Variants in KCNQ3 observed in about 807,000 individuals in gnomAD.
The protein encoded by KCNQ3 is potassium voltage-gated channel subfamily Q member 3.
In KCNQ3, 30 loss-of-function variants were observed where a neutral mutation model predicts 92.5. That is an observed-to-expected ratio of 0.32 (90% CI 0.24 to 0.44). The LOEUF is 0.44. Ranked by LOEUF, KCNQ3 falls within the 20% of genes least tolerant of loss-of-function variation. The pLI, the probability that KCNQ3 is intolerant of heterozygous loss-of-function variation, is 1.00. For synonymous variants in KCNQ3, 450 were observed against 468.8 expected, an observed-to-expected ratio of 0.96 and a Z score of 0.52; for missense variants, 913 against 1,140.3, an observed-to-expected ratio of 0.80 and a Z score of 2.87.
At chr8:132,479,260 TACA>T (rs1313566007) in intron 1 of KCNQ3, among the ~76,000 whole-genome samples, 3 of 152,164 alleles carry the variant, frequency 2.0e-5, no homozygotes, top group African/African-American at 7.2e-5. Context: ...GCCATGCATT[TACA>T]TCGGACTAGC....
chr8:132,273,096 G>A (rs1341285499), intron 1 of KCNQ3, among the ~76,000 whole-genome samples: 1 of 152,130 alleles, frequency 6.6e-6, no homozygotes, highest in Non-Finnish European at 1.5e-5. Context: ...AACTCCACTA[G>A]GTGGTGCCCC....
chr8:132,377,003 T>C (rs1293825336), intron 1 of KCNQ3, among the ~76,000 whole-genome samples: 4 of 152,054 alleles, frequency 2.6e-5, no homozygotes, highest in Admixed American at 6.5e-5. Flanking sequence ...GAAAAGGGAA[T>C]TGCGATGGTT....
intron 14 of KCNQ3, 75 bp from the exon 15 acceptor site, chr8:132,130,071 A>ATT: frequency 1.5e-6 from 2 of 1,340,602 alleles, no homozygotes; most frequent in Admixed American, 2.2e-5. Context: ...GGGAGGAAAT[A>ATT]TTCTTTTTTT....
At chr8:132,190,221 T>C (rs1321711903) in intron 1 of KCNQ3, among the ~76,000 whole-genome samples, 1 of 152,098 alleles carries the variant, frequency 6.6e-6, no homozygotes, top group Non-Finnish European at 1.5e-5. Flanking sequence ...TCAAGTTGTG[T>C]GTATGGTGGG....
intron 1 of KCNQ3, among the ~76,000 whole-genome samples, chr8:132,271,714 A>G (rs1284548599): frequency 6.6e-6 from 1 of 152,190 alleles, no homozygotes; most frequent in Non-Finnish European, 1.5e-5. Flanking sequence ...CACTTCCACC[A>G]TCTCTCCACC....
intron 14 of KCNQ3, among the ~76,000 whole-genome samples, chr8:132,131,386 T>C (rs1276413066): frequency 6.6e-6 from 1 of 152,186 alleles, no homozygotes; most frequent in Non-Finnish European, 1.5e-5. Context: ...TGCATGGTGC[T>C]GTGAGTGAGC....
chr8:132,332,805 T>A (rs538375255), intron 1 of KCNQ3, among the ~76,000 whole-genome samples: 1 of 152,366 alleles, frequency 6.6e-6, no homozygotes, highest in African/African-American at 2.4e-5. Flanking sequence ...GAATCCTTTC[T>A]GGAGCCTGCC....
intron 3 of KCNQ3, among the ~76,000 whole-genome samples, chr8:132,182,069 C>CA (rs11320609): frequency 0.053 from 7,607 of 143,606 alleles, 260 homozygotes; most frequent in Non-Finnish European, 0.067. Flanking sequence ...CCATAAAAAA[C>CA]AAAAAAAAAA....
At chr8:132,451,381 C>T (rs566421722) in intron 1 of KCNQ3, among the ~76,000 whole-genome samples, 1 of 152,216 alleles carries the variant, frequency 6.6e-6, no homozygotes, top group African/African-American at 2.4e-5. Context: ...CACAATCGGG[C>T]TCAAGAAGCA....
intron 9 of KCNQ3, 124 bp downstream of exon 9, chr8:132,163,344 T>C: frequency 1.2e-6 from 1 of 828,822 alleles, no homozygotes; most frequent in Non-Finnish European, 2.1e-6. Context: ...TCAGCAACAG[T>C]GTGACCCCAA....
intron 1 of KCNQ3, among the ~76,000 whole-genome samples, chr8:132,307,344 G>A (rs184198223): frequency 9.7e-4 from 147 of 152,172 alleles, no homozygotes; most frequent in South Asian, 6.2e-3. Flanking sequence ...CACTACATAC[G>A]CCCCTTAGGT....
chr8:132,187,242 T>C (rs1827000563), intron 1 of KCNQ3: 1 of 456,058 alleles, frequency 2.2e-6, no homozygotes, highest in Non-Finnish European at 4.4e-6. Context: ...AATATTTAAA[T>C]GGCAGACGTT....
chr8:132,259,020 C>T (rs1815687382), intron 1 of KCNQ3, among the ~76,000 whole-genome samples: 2 of 151,978 alleles, frequency 1.3e-5, no homozygotes, highest in Non-Finnish European at 2.9e-5. Context: ...ATAAACCATC[C>T]TTGCCCCATG....
intron 1 of KCNQ3, among the ~76,000 whole-genome samples, chr8:132,196,003 C>T (rs1827289448): frequency 6.6e-6 from 1 of 152,110 alleles, no homozygotes; most frequent in African/African-American, 2.4e-5. Context: ...TAATATGCAC[C>T]TAATAGATCT....
intron 1 of KCNQ3, among the ~76,000 whole-genome samples, chr8:132,188,032 G>A (rs1232319408): frequency 6.6e-6 from 1 of 152,106 alleles, no homozygotes; most frequent in Non-Finnish European, 1.5e-5. Context: ...TAGAGATGAA[G>A]ACATTCATCA....
chr8:132,292,567 C>A (rs1816888943), intron 1 of KCNQ3, among the ~76,000 whole-genome samples: 1 of 152,072 alleles, frequency 6.6e-6, no homozygotes, highest in South Asian at 2.1e-4. Context: ...GGAGAGACAG[C>A]AGGATGGAGA....
chr8:132,360,159 C>T (rs1638670922), intron 1 of KCNQ3, among the ~76,000 whole-genome samples: 1 of 152,190 alleles, frequency 6.6e-6, no homozygotes, highest in African/African-American at 2.4e-5. Flanking sequence ...CTTGCCACAG[C>T]CTGCAAATCT....
intron 1 of KCNQ3, among the ~76,000 whole-genome samples, chr8:132,272,268 T>C (rs887258699): frequency 2.6e-5 from 4 of 152,236 alleles, no homozygotes; most frequent in African/African-American, 9.6e-5. Context: ...GCAGTATTCA[T>C]TGGGAGCTGC....
At chr8:132,464,757 A>G (rs566958547) in intron 1 of KCNQ3, among the ~76,000 whole-genome samples, 1 of 152,356 alleles carries the variant, frequency 6.6e-6, no homozygotes, top group East Asian at 1.9e-4. Context: ...TGGACTCAGT[A>G]TCTGCATATA....
Sources: allele counts gnomAD v4.1 joint callset (sites outside exome capture counted in the v4.1 genomes callset), GRCh38; gene constraint gnomAD v4.1.1; transcripts MANE v1.5; gene names NCBI Gene and HGNC (gene_info 2026-07-23, HGNC 2026-07-21).